NDUFAF6: variants seen among roughly 807,000 people sequenced by gnomAD.
NDUFAF6 encodes the protein NADH dehydrogenase (ubiquinone) complex I, assembly factor 6.
Under a neutral mutation model 40.8 loss-of-function variants are expected in NDUFAF6, and 45 were observed. The ratio of observed to expected loss-of-function variants is 1.10; its 90% CI spans 0.87 to 1.42. The LOEUF (loss-of-function observed/expected upper bound fraction) is 1.42, where lower values mean the gene tolerates loss of function less well. Among genes scored for constraint, NDUFAF6 ranks in the 40% most tolerant of loss-of-function variants. The pLI, the probability that NDUFAF6 is intolerant of heterozygous loss-of-function variation, is 0.00. For missense variants in NDUFAF6, 435 were observed against 418.5 expected (o/e 1.04, Z -0.34); for synonymous variants, 185 against 155.9 (o/e 1.19, Z -1.39).
At chr8:95,103,975 G>GGCT (rs1450231458), downstream of NDUFAF6, among the ~76,000 whole-genome samples, 2 of 152,114 alleles carry the variant, frequency 1.3e-5, no homozygotes, top group Non-Finnish European at 2.9e-5. Flanking sequence ...TCCTTTATAA[G>GGCT]GCTGCTCCAT....
At chr8:95,076,511 G>A (rs144391045), downstream of NDUFAF6, among the ~76,000 whole-genome samples, 70 of 152,146 alleles carry the variant, frequency 4.6e-4, no homozygotes, top group Middle Eastern at 3.4e-3. Flanking sequence ...CTTTCTCTTC[G>A]TCTTTTTCTT....
At chr8:94,962,866 C>T (rs560568986) in intron 1 of NDUFAF6, among the ~76,000 whole-genome samples, 2 of 151,796 alleles carry the variant, frequency 1.3e-5, no homozygotes, top group African/African-American at 4.8e-5. Flanking sequence ...TCTCAGCTCA[C>T]TGCAACCTTA....
At chr8:95,047,300 C>G (rs1830885180) in intron 6 of NDUFAF6, among the ~76,000 whole-genome samples, 173 bp downstream of exon 6, 1 of 152,090 alleles carries the variant, frequency 6.6e-6, no homozygotes. Flanking sequence ...AGAATTGTGT[C>G]CATCAGGCAT....
chr8:95,020,779 T>C (rs950677889), upstream of NDUFAF6, among the ~76,000 whole-genome samples: 1 of 152,220 alleles, frequency 6.6e-6, no homozygotes, highest in Non-Finnish European at 1.5e-5. Flanking sequence ...GAGGGCCATA[T>C]AAGCAGATCA....
chr8:94,985,507 ATATATATATTTTTTTTTTTTTTTTTTT>A (rs1825809729), intron 2 of NDUFAF6, among the ~76,000 whole-genome samples: 2 of 6,106 alleles, frequency 3.3e-4, no homozygotes, highest in Admixed American at 2.9e-3. Context: ...ATATATATAT[ATATATATATTTTTTTTTTTTTTTTTTT>A]TTTTTTTTTT....
chr8:94,999,538 T>TC (rs1826620464), intron 2 of NDUFAF6, among the ~76,000 whole-genome samples: 2 of 152,132 alleles, frequency 1.3e-5, no homozygotes, highest in Non-Finnish European at 2.9e-5. Context: ...GGCCTCAGCC[T>TC]CCCCAGTAGC....
At chr8:95,040,889 T>C (rs1201937078) in intron 3 of NDUFAF6, 1 of 152,248 alleles carries the variant, frequency 6.6e-6, no homozygotes, top group Admixed American at 6.5e-5. Context: ...CTGATTCCTT[T>C]AAGGAGAATG....
rs573753744 is a variant in NDUFAF6, at chr8:95,073,428, G to GTC, written c.*512-2205_*512-2204insTC. Among the ~76,000 whole-genome samples, 312 of 152,132 alleles carry GTC rather than the reference G, an allele frequency of 2.1e-3. 1 individual carries two copies. The highest frequency in any genetic ancestry group is 6.5e-3 in the African/African-American group (271 of 41,488). On this transcript the variant is annotated intron_variant and NMD_transcript_variant, in intron 9 of 9. Transcript: ENST00000520757. Reference sequence around the variant, plus strand: ...CGAGCGCCCGCGCCCCGCTGCCCCAGCCGGGGAGGGACTGGAGGTGAAGTC... The same window carrying GTC: ...CGAGCGCCCGCGCCCCGCTGCCCCAGTCCCGGGGAGGGACTGGAGGTGAAGTC...
At chr8:95,113,840 C>T (rs962496555) in intron 4 of NDUFAF6, among the ~76,000 whole-genome samples, 24 of 152,196 alleles carry the variant, frequency 1.6e-4, no homozygotes, top group Middle Eastern at 3.4e-3. Context: ...AGAGAGACTC[C>T]GTCTCAAAAT....
chr8:95,058,173 C>A lies in NDUFAF6; in HGVS notation c.*236C>A, dbSNP rs1587204275. On this transcript the variant is annotated 3_prime_UTR_variant, in exon 9 of 9. Transcript: ENST00000396124. ...CCCAGACAGTGTCTGCTGTGCTGTC[C>A]CTGGAAGCTGGAGCTCCAACAGGGA... 1 of 1,422,266 alleles carries A rather than the reference C, an allele frequency of 7.0e-7. No individual in the cohort carries two copies. Among genetic ancestry groups the A allele is most frequent in the Non-Finnish European group, 9.1e-7 (1 of 1,097,558 alleles). The allele number at this position is 1,422,266 out of a possible 1,614,324, so 88.1% of individuals were successfully genotyped here. A position where few individuals can be genotyped will look rare whatever the true frequency, so the allele number is the denominator to read the frequency against.
intron 6 of NDUFAF6, among the ~76,000 whole-genome samples, chr8:95,047,778 G>C (rs1455032225): frequency 6.6e-6 from 1 of 151,660 alleles, no homozygotes; most frequent in Non-Finnish European, 1.5e-5. Context: ...CAAAGTGCTG[G>C]GATTACAGGC....
chr8:94,917,234 AG>A (rs1389702199), intron 1 of NDUFAF6, among the ~76,000 whole-genome samples: 1 of 152,202 alleles, frequency 6.6e-6, no homozygotes, highest in Non-Finnish European at 1.5e-5. Context: ...CAATAACCTA[AG>A]GATTTTAGTC....
At chr8:94,911,894 T>G (rs1381427344) in intron 1 of NDUFAF6, among the ~76,000 whole-genome samples, 2 of 152,214 alleles carry the variant, frequency 1.3e-5, no homozygotes. Context: ...ATACTGATAC[T>G]CAAACACAAT....
At chr8:94,902,172 A>C (rs1818063843) in intron 1 of NDUFAF6, among the ~76,000 whole-genome samples, 1 of 152,174 alleles carries the variant, frequency 6.6e-6, no homozygotes, top group African/African-American at 2.4e-5. Context: ...TAATACCAGC[A>C]CTTTGAGAGG....
At chr8:95,116,095 G>A (rs1199598737) in intron 5 of NDUFAF6, among the ~76,000 whole-genome samples, 1 of 151,938 alleles carries the variant, frequency 6.6e-6, no homozygotes, top group South Asian at 2.1e-4. Flanking sequence ...CCAAGATCGC[G>A]CCACTGCACT....
chr8:95,082,555 A>G (rs1288373636), intron 2 of NDUFAF6, among the ~76,000 whole-genome samples: 1 of 137,594 alleles, frequency 7.3e-6, no homozygotes, highest in African/African-American at 2.7e-5. Context: ...TTCCTGTTTT[A>G]TGAAATAATC....
At chr8:95,074,957 A>T (rs922311919) in intron 9 of NDUFAF6, among the ~76,000 whole-genome samples, 2 of 152,218 alleles carry the variant, frequency 1.3e-5, no homozygotes, top group Non-Finnish European at 2.9e-5. Flanking sequence ...AGCAGGAATG[A>T]TTATCAGGCA....
In NDUFAF6 at chr8:94,988,595, A is replaced by G. The variant is rs1422645131; in HGVS notation, c.-84+7622A>G. ...GCAGCTTAGTCTGCACTGCATTTGC[A>G]TTTCTTAGTTTCATTCCCTATTCAA... is the stretch of plus-strand genomic sequence containing the variant. On this transcript the variant is annotated intron_variant, in intron 2 of 9. Coordinates refer to the NDUFAF6 transcript ENST00000396111. 4 of 152,212 alleles carry G rather than the reference A, an allele frequency of 2.6e-5. No individual in the cohort carries two copies. In the East Asian group the frequency reaches 7.7e-4, roughly 29 times the overall value. The allele number at this position is 152,212 out of a possible 1,614,324, so 9.4% of individuals were successfully genotyped here.
chr8:94,931,567 G>T lies in NDUFAF6; in HGVS notation c.-935-13916G>T, dbSNP rs1176723107. 2.1e-5 allele frequency among the ~76,000 whole-genome samples: 3 copies of T among 141,976 alleles called. No individual in the cohort carries two copies. In the East Asian group the frequency reaches 6.1e-4, roughly 29 times the overall value. The allele number at this position is 141,976 out of a possible 152,430, so 93.1% of individuals were successfully genotyped here. A position where few individuals can be genotyped will look rare whatever the true frequency, so the allele number is the denominator to read the frequency against. ...TGACACATTCTGCCTAAAATCACTT[G>T]AGGAAACACACATATTTATTACACA... is the stretch of plus-strand genomic sequence containing the variant. On this transcript the variant is annotated intron_variant, in intron 1 of 14. Coordinates refer to the NDUFAF6 transcript ENST00000396113.
Sources: gnomAD v4.1 joint callset for allele counts (sites outside exome capture counted in the v4.1 genomes callset) on GRCh38, gnomAD v4.1.1 for gene constraint, MANE v1.5 for transcripts, NCBI Gene and HGNC (gene_info 2026-07-23, HGNC 2026-07-21) for gene names.